The following TENM3 variants were observed in gnomAD, a reference collection of about 807,000 sequenced individuals.
The protein encoded by TENM3 is teneurin-3.
A neutral mutation model predicts 255.1 loss-of-function variants in TENM3; 63 were observed. That is an observed-to-expected ratio of 0.25 (90% CI 0.20 to 0.30). The LOEUF (loss-of-function observed/expected upper bound fraction) is 0.30. Among genes scored for constraint, TENM3 ranks in the 10% least tolerant of loss-of-function variants. TENM3 has a pLI of 1.00. For missense variants in TENM3, 2,929 were observed against 3,461.1 expected (o/e 0.85, Z 3.86); for synonymous variants, 1,306 against 1,322.3 (o/e 0.99, Z 0.27).
chr4:182,649,402 C>T (rs979294752), intron 5 of TENM3, among the ~76,000 whole-genome samples: 1 of 150,434 alleles, frequency 6.6e-6, no homozygotes, highest in Non-Finnish European at 1.5e-5. Context: ...CTGTCATCTA[C>T]AAATTTCATT....
intron 16 of TENM3, among the ~76,000 whole-genome samples, chr4:182,732,690 G>C (rs1197597109): frequency 6.6e-6 from 1 of 152,192 alleles, no homozygotes; most frequent in South Asian, 2.1e-4. Flanking sequence ...AGCCAGGCGT[G>C]GTGGCATGCA....
chr4:181,470,399 G>A, the TENM3 span, among the ~76,000 whole-genome samples: 11 of 152,086 alleles, frequency 7.2e-5, no homozygotes, highest in African/African-American at 1.7e-4. Context: ...CTATGTGCTT[G>A]ATGATAAGTT....
At chr4:181,776,951 A>AT in the TENM3 span, among the ~76,000 whole-genome samples, 1 of 151,574 alleles carries the variant, frequency 6.6e-6, no homozygotes, top group Admixed American at 6.6e-5. Flanking sequence ...CCATTTGCCT[A>AT]TTTTTGGTTT....
chr4:181,825,772 C>T, the TENM3 span, among the ~76,000 whole-genome samples: 2 of 152,080 alleles, frequency 1.3e-5, no homozygotes, highest in African/African-American at 4.8e-5. Flanking sequence ...TGAACATATG[C>T]CTTAGAACTG....
the TENM3 span, among the ~76,000 whole-genome samples, chr4:181,973,008 G>A: frequency 6.6e-6 from 1 of 152,116 alleles, no homozygotes; most frequent in African/African-American, 2.4e-5. Context: ...TAGGCCAAGT[G>A]GAGCGGCACT....
At chr4:182,552,661 T>C (rs1742168267) in intron 3 of TENM3, among the ~76,000 whole-genome samples, 1 of 152,172 alleles carries the variant, frequency 6.6e-6, no homozygotes, top group Admixed American at 6.5e-5. Flanking sequence ...TTAATCATTT[T>C]TGAAGATGTA....
At chr4:182,713,937 T>C (rs1027802298) in intron 12 of TENM3, 150 bp from the exon 13 acceptor site, 4 of 619,716 alleles carry the variant, frequency 6.5e-6, no homozygotes, top group African/African-American at 5.5e-5. Context: ...TTAGATTCCA[T>C]AGATAACGTT....
intron 12 of TENM3, among the ~76,000 whole-genome samples, chr4:182,712,398 G>T (rs909161505): frequency 6.6e-6 from 1 of 150,538 alleles, no homozygotes; most frequent in Non-Finnish European, 1.5e-5. Context: ...GCACCTCCTT[G>T]TCAGTGGGGC....
the TENM3 span, among the ~76,000 whole-genome samples, chr4:182,008,823 C>T: frequency 8.5e-5 from 13 of 152,094 alleles, no homozygotes; most frequent in Non-Finnish European, 1.9e-4. Flanking sequence ...GGGTTTTCAG[C>T]ATTTTTTCAT....
At chr4:182,610,983 G>A (rs528499313) in intron 4 of TENM3, among the ~76,000 whole-genome samples, 1 of 149,888 alleles carries the variant, frequency 6.7e-6, no homozygotes, top group Admixed American at 6.7e-5. Flanking sequence ...CTAGGCTCAT[G>A]TGATGCTCTC....
At chr4:182,387,681 C>T (rs962329824) in intron 3 of TENM3, among the ~76,000 whole-genome samples, 1 of 152,024 alleles carries the variant, frequency 6.6e-6, no homozygotes, top group Non-Finnish European at 1.5e-5. Context: ...CAACTCCAGA[C>T]GCGCTGCCTT....
the TENM3 span, among the ~76,000 whole-genome samples, chr4:181,808,884 T>G: frequency 6.6e-6 from 1 of 152,320 alleles, no homozygotes; most frequent in African/African-American, 2.4e-5. Flanking sequence ...TCCCATCATC[T>G]TTTTCACTAA....
At chr4:182,715,754 C>A (rs1381850932) in intron 13 of TENM3, among the ~76,000 whole-genome samples, 1 of 152,174 alleles carries the variant, frequency 6.6e-6, no homozygotes, top group Non-Finnish European at 1.5e-5. Flanking sequence ...AAAACACACA[C>A]ACTCACACAC....
chr4:182,106,259 G>A, the TENM3 span, among the ~76,000 whole-genome samples: 1 of 152,102 alleles, frequency 6.6e-6, no homozygotes, highest in Non-Finnish European at 1.5e-5. Flanking sequence ...CCCACAGTTT[G>A]AGACCAGCCT....
chr4:181,560,943 A>G, the TENM3 span, among the ~76,000 whole-genome samples: 1 of 152,030 alleles, frequency 6.6e-6, no homozygotes, highest in Admixed American at 6.6e-5. Flanking sequence ...CAAGTTAATA[A>G]TTTTTATCCC....
chr4:182,315,724 A>G (rs1381286637), intron 1 of TENM3, among the ~76,000 whole-genome samples: 2 of 152,016 alleles, frequency 1.3e-5, no homozygotes, highest in African/African-American at 2.4e-5. Context: ...TTTTGACCAC[A>G]TGTATATTGG....
At chr4:182,529,424 GAGAT>G (rs1253938670) in intron 3 of TENM3, among the ~76,000 whole-genome samples, 1 of 152,150 alleles carries the variant, frequency 6.6e-6, no homozygotes, top group Non-Finnish European at 1.5e-5. Context: ...GGGTATAATA[GAGAT>G]AATCATCTGG....
the TENM3 span, among the ~76,000 whole-genome samples, chr4:182,086,097 G>C: frequency 1.3e-5 from 2 of 152,108 alleles, no homozygotes; most frequent in Non-Finnish European, 2.9e-5. Context: ...GTGTTTTGTT[G>C]GTTTTGGGGG....
the TENM3 span, among the ~76,000 whole-genome samples, chr4:181,863,716 G>T: frequency 7.3e-4 from 111 of 151,962 alleles, 1 homozygote; most frequent in Non-Finnish European, 1.4e-3. Flanking sequence ...AACTTTTTGT[G>T]TGCTAACTTC....
Sources: gnomAD v4.1 joint callset for allele counts (sites outside exome capture counted in the v4.1 genomes callset) on GRCh38, gnomAD v4.1.1 for gene constraint, MANE v1.5 for transcripts, NCBI Gene and HGNC (gene_info 2026-07-23, HGNC 2026-07-21) for gene names.